Variants in ARHGAP15 observed in about 807,000 individuals in gnomAD.
ARHGAP15 encodes rho GTPase-activating protein 15.
ARHGAP15 carries 51 observed loss-of-function variants against 63.7 expected under a neutral mutation model. The ratio of observed to expected loss-of-function variants is 0.80; its 90% confidence interval spans 0.64 to 1.01. The LOEUF (loss-of-function observed/expected upper bound fraction) is 1.01. Ranked by LOEUF, ARHGAP15 falls within the 50% of genes least tolerant of loss-of-function variation. The pLI is 0.00. For synonymous variants in ARHGAP15, 191 were observed against 193.8 expected, an observed-to-expected ratio of 0.99 and a Z score of 0.12; for missense variants, 560 against 564.6, an observed-to-expected ratio of 0.99 and a Z score of 0.08.
chr2:143,444,613 A>T (rs1193612303), intron 8 of ARHGAP15, among the ~76,000 whole-genome samples: 5 of 152,200 alleles, frequency 3.3e-5, no homozygotes, highest in Non-Finnish European at 7.3e-5. Flanking sequence ...AAAATTCTAA[A>T]GAAGTAATTT....
chr2:143,599,276 TTGAATAG>T (rs1482444777), intron 11 of ARHGAP15, among the ~76,000 whole-genome samples: 1 of 152,114 alleles, frequency 6.6e-6, no homozygotes, highest in African/African-American at 2.4e-5. Flanking sequence ...ACTCAGACAT[TTGAATAG>T]TGTTGTTGCT....
intron 10 of ARHGAP15, among the ~76,000 whole-genome samples, chr2:143,551,505 C>T (rs898702847): frequency 4.6e-5 from 7 of 152,088 alleles, no homozygotes; most frequent in Non-Finnish European, 1.0e-4. Flanking sequence ...GTTGGGGCAG[C>T]TACTGTACTT....
At chr2:143,282,658 T>C (rs550294150) in intron 6 of ARHGAP15, among the ~76,000 whole-genome samples, 2 of 152,164 alleles carry the variant, frequency 1.3e-5, no homozygotes, top group East Asian at 3.9e-4. Flanking sequence ...AGCCAAACCA[T>C]ATCAGGTAAA....
At chr2:143,651,720 T>A (rs1280578784) in intron 12 of ARHGAP15, among the ~76,000 whole-genome samples, 1 of 152,022 alleles carries the variant, frequency 6.6e-6, no homozygotes, top group Non-Finnish European at 1.5e-5. Context: ...CACATCCTCA[T>A]TAACACTCAG....
chr2:143,317,305 T>C (rs1413397374), intron 6 of ARHGAP15, among the ~76,000 whole-genome samples: 1 of 152,234 alleles, frequency 6.6e-6, no homozygotes, highest in Non-Finnish European at 1.5e-5. Flanking sequence ...GCATGTGTGG[T>C]TATTCATTGA....
At chr2:143,366,481 A>C (rs1208081822) in intron 6 of ARHGAP15, among the ~76,000 whole-genome samples, 1 of 152,086 alleles carries the variant, frequency 6.6e-6, no homozygotes, top group African/African-American at 2.4e-5. Flanking sequence ...AATAATTTGC[A>C]CATTTGATAA....
At chr2:143,610,884 A>T (rs1403280508) in intron 11 of ARHGAP15, among the ~76,000 whole-genome samples, 1 of 151,944 alleles carries the variant, frequency 6.6e-6, no homozygotes, top group Non-Finnish European at 1.5e-5. Context: ...ACGCACCATC[A>T]TGTCCGGCTA....
intron 11 of ARHGAP15, among the ~76,000 whole-genome samples, chr2:143,570,823 C>CT (rs34825591): frequency 0.033 from 4,982 of 151,982 alleles, 109 homozygotes; most frequent in South Asian, 0.059. Flanking sequence ...CAGGTCAATC[C>CT]TTTTTTTTAA....
chr2:143,627,466 G>A (rs76197650), intron 12 of ARHGAP15, among the ~76,000 whole-genome samples: 8,874 of 151,832 alleles, frequency 0.058, 579 homozygotes, highest in East Asian at 0.33. Context: ...CTAGATCCTT[G>A]GCAATGGTAA....
chr2:143,677,759 A>C (rs1018070822), intron 12 of ARHGAP15, among the ~76,000 whole-genome samples: 9 of 152,218 alleles, frequency 5.9e-5, no homozygotes, highest in Non-Finnish European at 2.9e-5. Flanking sequence ...CAAGACACTG[A>C]GCTAAGAAAT....
At chr2:143,145,280 T>C (rs527589978) in intron 1 of ARHGAP15, among the ~76,000 whole-genome samples, 34 of 152,172 alleles carry the variant, frequency 2.2e-4, no homozygotes, top group Admixed American at 5.9e-4. Flanking sequence ...GGGCTTGTGA[T>C]GTACAAATCA....
chr2:143,338,494 C>T (rs1031358599), intron 6 of ARHGAP15, among the ~76,000 whole-genome samples: 4 of 152,122 alleles, frequency 2.6e-5, no homozygotes, highest in African/African-American at 9.7e-5. Flanking sequence ...GAAAGGCATC[C>T]ACAATCTCTC....
At chr2:143,295,968 G>T (rs558515023) in intron 6 of ARHGAP15, among the ~76,000 whole-genome samples, 1 of 151,978 alleles carries the variant, frequency 6.6e-6, no homozygotes, top group Non-Finnish European at 1.5e-5. Flanking sequence ...AATGTGCCTC[G>T]CTGTCACCAC....
chr2:143,511,508 A>G (rs528432676), intron 9 of ARHGAP15, among the ~76,000 whole-genome samples: 10 of 152,184 alleles, frequency 6.6e-5, no homozygotes, highest in South Asian at 2.1e-4. Flanking sequence ...GATTACCAGT[A>G]AGCACACAGA....
At chr2:143,214,301 C>T (rs1376487863) in intron 3 of ARHGAP15, among the ~76,000 whole-genome samples, 1 of 152,024 alleles carries the variant, frequency 6.6e-6, no homozygotes, top group African/African-American at 2.4e-5. Context: ...ATTTTTTCTA[C>T]GGTTACACAA....
At chr2:143,366,438 A>C (rs1686295576) in intron 6 of ARHGAP15, among the ~76,000 whole-genome samples, 1 of 152,098 alleles carries the variant, frequency 6.6e-6, no homozygotes, top group African/African-American at 2.4e-5. Flanking sequence ...CAAACTGCCT[A>C]AAATCTATTC....
intron 2 of ARHGAP15, among the ~76,000 whole-genome samples, chr2:143,170,594 A>G (rs1016304998): frequency 6.6e-6 from 1 of 152,090 alleles, no homozygotes; most frequent in Non-Finnish European, 1.5e-5. Flanking sequence ...GCCATGTTCA[A>G]TGTGGCTAAG....
intron 8 of ARHGAP15, 131 bp downstream of exon 8, chr2:143,437,173 A>C: frequency 8.9e-7 from 1 of 1,119,628 alleles, no homozygotes. Context: ...TTTCCTGGCC[A>C]GGGATTTGTG....
At chr2:143,559,237 A>C (rs1314050420) in intron 11 of ARHGAP15, among the ~76,000 whole-genome samples, 1 of 152,196 alleles carries the variant, frequency 6.6e-6, no homozygotes, top group Non-Finnish European at 1.5e-5. Flanking sequence ...CTTTAAAAAA[A>C]CTATGCTCAG....
Sources: gnomAD v4.1 joint callset for allele counts (sites outside exome capture counted in the v4.1 genomes callset) on GRCh38, gnomAD v4.1.1 for gene constraint, MANE v1.5 for transcripts, NCBI Gene and HGNC (gene_info 2026-07-23, HGNC 2026-07-21) for gene names.